The following GPC5 variants were observed in gnomAD, a reference collection of about 807,000 sequenced individuals.
GPC5 encodes the protein glypican-5.
A neutral mutation model predicts 53.9 loss-of-function variants in GPC5; 47 were observed. That is an observed-to-expected ratio of 0.87 (90% CI 0.69 to 1.11). GPC5 has a LOEUF of 1.11. Among genes scored for constraint, GPC5 ranks in the 50% most tolerant of loss-of-function variants. The pLI is 0.00. For missense variants in GPC5, 748 were observed against 713.1 expected, an observed-to-expected ratio of 1.05 and a Z score of -0.56; for synonymous variants, 286 against 263.3, an observed-to-expected ratio of 1.09 and a Z score of -0.84.
intron 7 of GPC5, among the ~76,000 whole-genome samples, chr13:92,633,287 G>A (rs1885315072): frequency 6.6e-6 from 1 of 152,060 alleles, no homozygotes; most frequent in Non-Finnish European, 1.5e-5. Context: ...TGGGTTTTGG[G>A]TGGAGACACA....
chr13:92,515,454 C>T (rs17365014), intron 7 of GPC5, among the ~76,000 whole-genome samples: 6,176 of 152,146 alleles, frequency 0.041, 178 homozygotes, highest in Non-Finnish European at 0.059. Flanking sequence ...AGCTTGACAC[C>T]AGTATGGTAT....
At chr13:92,811,979 C>A (rs1406981791) in intron 7 of GPC5, among the ~76,000 whole-genome samples, 2 of 151,918 alleles carry the variant, frequency 1.3e-5, no homozygotes, top group Non-Finnish European at 2.9e-5. Context: ...CAATATCACA[C>A]TGTTTTGATT....
At chr13:91,899,211 G>T (rs2039472955) in intron 5 of GPC5, among the ~76,000 whole-genome samples, 2 of 152,050 alleles carry the variant, frequency 1.3e-5, no homozygotes, top group Non-Finnish European at 2.9e-5. Context: ...TTTCCTGTTT[G>T]TGTGTGTGAA....
At chr13:91,656,258 G>A (rs2034842963) in intron 2 of GPC5, among the ~76,000 whole-genome samples, 2 of 152,154 alleles carry the variant, frequency 1.3e-5, no homozygotes, top group Admixed American at 6.5e-5. Context: ...TTCTGTAGAT[G>A]TAAAGTGTAA....
chr13:92,790,397 G>A (rs1308271730), intron 7 of GPC5, among the ~76,000 whole-genome samples: 1 of 152,110 alleles, frequency 6.6e-6, no homozygotes, highest in South Asian at 2.1e-4. Flanking sequence ...TCAAAGCAGA[G>A]GCAACTATGG....
chr13:91,509,759 A>G (rs1043083006), intron 2 of GPC5, among the ~76,000 whole-genome samples: 7 of 152,152 alleles, frequency 4.6e-5, no homozygotes, highest in African/African-American at 1.7e-4. Context: ...TAATCTTTGT[A>G]TATGCTTTAT....
chr13:91,720,892 A>G (rs754336595), intron 3 of GPC5, among the ~76,000 whole-genome samples: 8 of 152,170 alleles, frequency 5.3e-5, no homozygotes, highest in Non-Finnish European at 1.0e-4. Flanking sequence ...TTCAATAAAT[A>G]GATCCAGATA....
chr13:92,525,900 C>T (rs78959453), intron 7 of GPC5, among the ~76,000 whole-genome samples: 3,939 of 152,192 alleles, frequency 0.026, 190 homozygotes, highest in African/African-American at 0.09. Flanking sequence ...ACAATGTTTA[C>T]TGTTCTTTCC....
chr13:91,523,431 A>G (rs370710053), intron 2 of GPC5, among the ~76,000 whole-genome samples: 1 of 152,238 alleles, frequency 6.6e-6, no homozygotes, highest in African/African-American at 2.4e-5. Context: ...TTGCAACAAC[A>G]TGAATGAATC....
intron 2 of GPC5, among the ~76,000 whole-genome samples, chr13:91,546,373 G>C (rs763804324): frequency 1.3e-5 from 2 of 151,894 alleles, no homozygotes; most frequent in African/African-American, 2.4e-5. Flanking sequence ...ATTAACATTA[G>C]ATATGCAAAA....
At chr13:91,764,462 A>G (rs2037481426) in intron 5 of GPC5, among the ~76,000 whole-genome samples, 1 of 152,142 alleles carries the variant, frequency 6.6e-6, no homozygotes, top group Non-Finnish European at 1.5e-5. Context: ...TAGGAATGCC[A>G]TTTTTACTTT....
At chr13:92,627,670 G>T (rs1412024672) in intron 7 of GPC5, among the ~76,000 whole-genome samples, 2 of 152,144 alleles carry the variant, frequency 1.3e-5, no homozygotes, top group African/African-American at 4.8e-5. Context: ...TATACGAAAG[G>T]TTTCTTTTTT....
At chr13:92,053,039 T>C (rs1214883373) in intron 6 of GPC5, among the ~76,000 whole-genome samples, 4 of 152,228 alleles carry the variant, frequency 2.6e-5, no homozygotes, top group African/African-American at 9.6e-5. Flanking sequence ...GATCTTGGAC[T>C]GGACAACCGG....
At chr13:91,739,633 G>A (rs1479875807) in intron 4 of GPC5, among the ~76,000 whole-genome samples, 2 of 151,216 alleles carry the variant, frequency 1.3e-5, no homozygotes, top group Non-Finnish European at 2.9e-5. Flanking sequence ...TCCGTTTGTT[G>A]TCACAGTGAC....
intron 2 of GPC5, among the ~76,000 whole-genome samples, chr13:91,460,323 G>C (rs561877741): frequency 5.5e-4 from 83 of 151,146 alleles, no homozygotes; most frequent in African/African-American, 1.7e-3. Context: ...TGGGGGGACA[G>C]AGTCTTACTT....
chr13:92,382,843 C>CA (rs879557107), intron 7 of GPC5, among the ~76,000 whole-genome samples: 4,588 of 147,894 alleles, frequency 0.031, 104 homozygotes, highest in Non-Finnish European at 0.046. Flanking sequence ...CTAAAAAATA[C>CA]AAAAAAAAAA....
intron 7 of GPC5, among the ~76,000 whole-genome samples, chr13:92,249,863 T>C (rs748417512): frequency 3.9e-5 from 6 of 152,082 alleles, no homozygotes; most frequent in Non-Finnish European, 7.4e-5. Flanking sequence ...ATAGTGTAAG[T>C]GTTATCCATT....
At chr13:92,062,914 G>A (rs1238982646) in intron 6 of GPC5, among the ~76,000 whole-genome samples, 1 of 152,012 alleles carries the variant, frequency 6.6e-6, no homozygotes, top group East Asian at 1.9e-4. Flanking sequence ...TTATGAGTCA[G>A]ATCAAATCAC....
chr13:92,711,430 T>C (rs1362900846), intron 7 of GPC5, among the ~76,000 whole-genome samples: 1 of 152,152 alleles, frequency 6.6e-6, no homozygotes, highest in Non-Finnish European at 1.5e-5. Context: ...ATTTATCATT[T>C]AAATATACCC....
Sources: gnomAD v4.1 joint callset for allele counts (sites outside exome capture counted in the v4.1 genomes callset) on GRCh38, gnomAD v4.1.1 for gene constraint, MANE v1.5 for transcripts, NCBI Gene and HGNC (gene_info 2026-07-23, HGNC 2026-07-21) for gene names.